ERC2: variants seen among roughly 807,000 people sequenced by gnomAD.
ERC2 encodes ELKS/RAB6-interacting/CAST family member 2, also known as ERC protein 2.
In ERC2, 42 loss-of-function variants were observed where a neutral mutation model predicts 114.8. That is an observed-to-expected ratio of 0.37 (90% confidence interval 0.29 to 0.47). The LOEUF is 0.47. Ranked by LOEUF, ERC2 falls within the 20% of genes least tolerant of loss-of-function variation. The pLI is 0.99. For missense variants in ERC2, 939 were observed against 1,150.7 expected (o/e 0.82, Z 2.66); for synonymous variants, 454 against 425.5 (o/e 1.07, Z -0.82).
intron 14 of ERC2, among the ~76,000 whole-genome samples, chr3:55,789,236 G>A (rs952382412): frequency 1.6e-4 from 24 of 152,220 alleles, no homozygotes; most frequent in Admixed American, 2.0e-4. Context: ...AGGCAGAAAA[G>A]CAGAACCCCC....
intron 3 of ERC2, among the ~76,000 whole-genome samples, chr3:56,210,573 G>A (rs2048998454): frequency 6.6e-6 from 1 of 152,116 alleles, no homozygotes; most frequent in African/African-American, 2.4e-5. Context: ...CACAACTGAA[G>A]ACTCAAAATT....
At chr3:55,758,478 G>A (rs185424152) in intron 14 of ERC2, among the ~76,000 whole-genome samples, 27 of 152,294 alleles carry the variant, frequency 1.8e-4, no homozygotes, top group Admixed American at 3.9e-4. Context: ...AAGGTGAGGG[G>A]CAGACCAATG....
chr3:55,987,892 C>G (rs1018064952), intron 11 of ERC2, among the ~76,000 whole-genome samples: 6 of 152,168 alleles, frequency 3.9e-5, no homozygotes, highest in Admixed American at 6.5e-5. Flanking sequence ...AGCCTCCTCT[C>G]CGCATTGGGG....
intron 6 of ERC2, among the ~76,000 whole-genome samples, chr3:56,105,892 A>G (rs1017090109): frequency 6.6e-6 from 1 of 152,196 alleles, no homozygotes; most frequent in Non-Finnish European, 1.5e-5. Flanking sequence ...TGAAGAAATC[A>G]GGGTCAATCA....
chr3:56,316,631 T>C (rs1353626789), intron 2 of ERC2, among the ~76,000 whole-genome samples: 3 of 151,752 alleles, frequency 2.0e-5, no homozygotes, highest in African/African-American at 2.4e-5. Context: ...CACACACACA[T>C]ATATACAGTA....
chr3:56,356,921 C>T (rs2058767276), intron 2 of ERC2, among the ~76,000 whole-genome samples: 1 of 152,132 alleles, frequency 6.6e-6, no homozygotes, highest in African/African-American at 2.4e-5. Context: ...AAGCATCTTG[C>T]CCAGATTTCA....
At chr3:56,264,823 T>C (rs1258365335) in intron 3 of ERC2, among the ~76,000 whole-genome samples, 1 of 63,686 alleles carries the variant, frequency 1.6e-5, no homozygotes, top group African/African-American at 5.0e-5. Flanking sequence ...ATATGACCTA[T>C]CCAAAAAAAA....
intron 2 of ERC2, among the ~76,000 whole-genome samples, chr3:56,405,887 C>CTTTT (rs72095902): frequency 3.6e-4 from 31 of 85,194 alleles, no homozygotes; most frequent in African/African-American, 6.0e-4. Flanking sequence ...ACTTTTTTTT[C>CTTTT]TTTTTTTTTT....
chr3:56,086,139 G>A (rs1212224506), intron 6 of ERC2, among the ~76,000 whole-genome samples: 1 of 152,092 alleles, frequency 6.6e-6, no homozygotes, highest in East Asian at 1.9e-4. Flanking sequence ...ATGTTGGAAT[G>A]TAATCTAGAC....
Position 56,308,938 on chromosome 3 carries a change from G to T in ERC2, c.658-12503C>A, listed in dbSNP as rs1270763041. Among the ~76,000 whole-genome samples the T allele has an allele frequency of 3.9e-5, 6 of 152,080 alleles. No individual in the cohort carries two copies. In the East Asian group the frequency reaches 9.6e-4, roughly 24 times the overall value. ...TTTCTTATTAATCACTTCCTAGTTT[G>T]TCTGTAATTAATGTGAAGGGCAGGT... is the stretch of plus-strand genomic sequence containing the variant. On this transcript the variant is annotated intron_variant, in intron 2 of 17. Transcript: ENST00000288221.
intron 2 of ERC2, among the ~76,000 whole-genome samples, chr3:56,339,509 CACTTAAAGGCCTCTG>C (rs942858870): frequency 2.6e-5 from 4 of 152,034 alleles, no homozygotes; most frequent in African/African-American, 9.7e-5. Context: ...AGCTGAGAGG[CACTTAAAGGCCTCTG>C]ACTTCACATA....
chr3:55,967,098 T>C (rs548711302), intron 12 of ERC2, among the ~76,000 whole-genome samples: 3 of 152,182 alleles, frequency 2.0e-5, no homozygotes, highest in Admixed American at 6.6e-5. Context: ...TCTAACATTC[T>C]TCATACAGCA....
intron 17 of ERC2, among the ~76,000 whole-genome samples, chr3:55,516,413 T>C (rs1053408009): frequency 6.6e-6 from 1 of 152,154 alleles, no homozygotes; most frequent in African/African-American, 2.4e-5. Flanking sequence ...ATTTTCTTGA[T>C]AGAAGCAACC....
At chr3:55,517,848 G>C (rs919934904) in intron 17 of ERC2, among the ~76,000 whole-genome samples, 1 of 152,216 alleles carries the variant, frequency 6.6e-6, no homozygotes, top group Non-Finnish European at 1.5e-5. Flanking sequence ...ACAAGCATTA[G>C]GTACTCTATG....
intron 16 of ERC2, among the ~76,000 whole-genome samples, chr3:55,698,446 G>T (rs1408254809): frequency 2.0e-5 from 3 of 152,088 alleles, no homozygotes; most frequent in Non-Finnish European, 2.9e-5. Context: ...AGTTTTCGGA[G>T]CATCACAAGT....
intron 14 of ERC2, among the ~76,000 whole-genome samples, chr3:55,854,486 A>G (rs1384113392): frequency 6.6e-6 from 1 of 152,234 alleles, no homozygotes; most frequent in Non-Finnish European, 1.5e-5. Context: ...CTGAGAGCAC[A>G]GGAGCAGCAG....
intron 15 of ERC2, among the ~76,000 whole-genome samples, chr3:55,721,651 AC>A (rs1334955507): frequency 1.3e-5 from 2 of 152,158 alleles, no homozygotes; most frequent in Admixed American, 1.3e-4. Flanking sequence ...CCATTCTCAG[AC>A]CCTGAACCTT....
chr3:56,271,052 G>A (rs1385352975), intron 3 of ERC2, among the ~76,000 whole-genome samples: 2 of 152,204 alleles, frequency 1.3e-5, no homozygotes, highest in African/African-American at 4.8e-5. Flanking sequence ...TCTTTACGTT[G>A]TGAAAAACTT....
chr3:56,001,359 G>T (rs2072042237), intron 10 of ERC2, among the ~76,000 whole-genome samples: 1 of 151,820 alleles, frequency 6.6e-6, no homozygotes, highest in Non-Finnish European at 1.5e-5. Context: ...GAAAAACATA[G>T]TCATTTTTAA....
Sources: gnomAD v4.1 joint callset for allele counts (sites outside exome capture counted in the v4.1 genomes callset) on GRCh38, gnomAD v4.1.1 for gene constraint, MANE v1.5 for transcripts, NCBI Gene and HGNC (gene_info 2026-07-23, HGNC 2026-07-21) for gene names.